ADD3: variants seen among roughly 807,000 people sequenced by gnomAD.
ADD3 encodes the protein gamma-adducin.
Under a neutral mutation model 80.2 loss-of-function variants are expected in ADD3, and 25 were observed. The observed-to-expected ratio is 0.31, with a 90% confidence interval of 0.23 to 0.44. The LOEUF is 0.44. Among genes scored for constraint, ADD3 ranks in the 20% least tolerant of loss-of-function variants. The pLI, the probability that ADD3 is intolerant of heterozygous loss-of-function variation, is 1.00. For missense variants in ADD3, 829 were observed against 847.5 expected (o/e 0.98, Z 0.27); for synonymous variants, 284 against 289.6 (o/e 0.98, Z 0.20).
rs558518976 is a variant in ADD3, at chr10:109,999,555, ATT to A, written n.79+3110_79+3111del. ...ACTTACAAAATATGTGCCTGGGCAA[ATT>A]ATTTAACCTTTCTGAGTCTCAGTTT... On this transcript the variant is annotated intron_variant and non_coding_transcript_variant, in intron 1 of 5. Coordinates refer to the ADD3 transcript ENST00000468251. Among the ~76,000 whole-genome samples, 191 of 152,316 alleles carry A rather than the reference ATT, an allele frequency of 1.3e-3. No individual in the cohort carries two copies. The Middle Eastern group carries it at 0.017, about 14-fold the overall frequency.
chr10:110,088,486 G>A (rs1847087951), intron 1 of ADD3, among the ~76,000 whole-genome samples: 1 of 152,110 alleles, frequency 6.6e-6, no homozygotes, highest in South Asian at 2.1e-4. Flanking sequence ...CATTTTCATG[G>A]CACAATATTA....
At chr10:110,018,611 A>G (rs1214772585) in intron 1 of ADD3, among the ~76,000 whole-genome samples, 3 of 149,894 alleles carry the variant, frequency 2.0e-5, no homozygotes, top group Non-Finnish European at 3.0e-5. Context: ...ACCTTGAAGG[A>G]GGAGTTAAGA....
At chr10:110,120,540 G>T (rs1851359771) in intron 8 of ADD3, among the ~76,000 whole-genome samples, 1 of 152,038 alleles carries the variant, frequency 6.6e-6, no homozygotes, top group African/African-American at 2.4e-5. Flanking sequence ...ACATACGTGT[G>T]CATGTGTCTT....
intron 9 of ADD3, among the ~76,000 whole-genome samples, chr10:110,123,371 C>T (rs1051004343): frequency 1.4e-4 from 21 of 152,054 alleles, no homozygotes; most frequent in African/African-American, 4.4e-4. Context: ...TACATTCTAA[C>T]ACTTGTTGTC....
At chr10:110,128,473 T>G (rs980193548) in intron 12 of ADD3, among the ~76,000 whole-genome samples, 2 of 152,158 alleles carry the variant, frequency 1.3e-5, no homozygotes, top group African/African-American at 4.8e-5. Context: ...TAGAGTGCAG[T>G]GGCGCGATCT....
chr10:110,100,253 G>A (rs1327409809), intron 1 of ADD3, among the ~76,000 whole-genome samples: 4 of 151,752 alleles, frequency 2.6e-5, no homozygotes, highest in Non-Finnish European at 4.4e-5. Flanking sequence ...GGGAGGCTGA[G>A]GCAGGAGAAT....
At chr10:110,050,709 C>T (rs1857425659) in intron 1 of ADD3, among the ~76,000 whole-genome samples, 2 of 151,984 alleles carry the variant, frequency 1.3e-5, no homozygotes, top group South Asian at 2.1e-4. Flanking sequence ...ACAGGTTTCA[C>T]CATGTTGGCC....
rs192767408 is a variant in ADD3 at position 109,998,052 on chromosome 10, A to G, written n.79+1606A>G. Among the ~76,000 whole-genome samples the G allele has an allele frequency of 1.3e-3, 191 of 152,368 alleles. 1 individual carries two copies. The highest frequency in any genetic ancestry group is 1.2e-3 in the Non-Finnish European group (85 of 68,046). The stretch of plus-strand genomic sequence containing the variant: ...TACTAGGGATACAACAATGAACACG[A>G]TAAAGTTCTTGCTCTTTTGAAGATT... On this transcript the variant is annotated intron_variant and non_coding_transcript_variant, in intron 1 of 5. Coordinates refer to the ADD3 transcript ENST00000468251.
chr10:110,026,582 T>C (rs971823131), intron 1 of ADD3, among the ~76,000 whole-genome samples: 3 of 152,098 alleles, frequency 2.0e-5, no homozygotes, highest in Admixed American at 6.5e-5. Flanking sequence ...ACCCGGCTGA[T>C]TGTACTTTTA....
At chr10:110,029,159 G>A (rs1332439781) in intron 1 of ADD3, among the ~76,000 whole-genome samples, 1 of 152,336 alleles carries the variant, frequency 6.6e-6, no homozygotes, top group South Asian at 2.1e-4. Context: ...GATTATCGGC[G>A]TGAGCCACCG....
intron 2 of ADD3, chr10:110,106,052 A>G (rs1849364110): frequency 6.6e-6 from 1 of 152,128 alleles, no homozygotes; most frequent in Non-Finnish European, 1.5e-5. Context: ...GAGAAATTCT[A>G]AGTAAGTTTG....
chr10:110,036,247 A>G (rs1191426839), intron 1 of ADD3, among the ~76,000 whole-genome samples: 1 of 152,136 alleles, frequency 6.6e-6, no homozygotes, highest in African/African-American at 2.4e-5. Context: ...ATAGTGAGGC[A>G]GCATTTTACC....
intron 1 of ADD3, among the ~76,000 whole-genome samples, chr10:110,072,171 C>T (rs1261805837): frequency 6.6e-6 from 1 of 152,234 alleles, no homozygotes; most frequent in Non-Finnish European, 1.5e-5. Flanking sequence ...ACGCAATTCT[C>T]CTGCCTCAGC....
intron 2 of ADD3, among the ~76,000 whole-genome samples, chr10:110,111,348 A>G (rs1038149958): frequency 2.6e-5 from 4 of 152,214 alleles, no homozygotes; most frequent in South Asian, 2.1e-4. Context: ...CGAAGGAGAC[A>G]TGAGCAAAAG....
At chr10:110,083,683 A>G (rs1447528889) in intron 1 of ADD3, among the ~76,000 whole-genome samples, 4 of 152,072 alleles carry the variant, frequency 2.6e-5, no homozygotes, top group Non-Finnish European at 4.4e-5. Flanking sequence ...CCAGGCTGAT[A>G]GCTAAGTATT....
At chr10:110,019,013 C>A (rs138056225) in intron 1 of ADD3, among the ~76,000 whole-genome samples, 1 of 152,250 alleles carries the variant, frequency 6.6e-6, no homozygotes, top group East Asian at 1.9e-4. Context: ...TCATTCCCAG[C>A]GCTGGACAAG....
Position 110,118,973 on chromosome 10 carries a change from G to C in ADD3, c.717+237G>C, listed in dbSNP as rs41291892. On this transcript the variant is annotated intron_variant, in intron 6 of 14. Coordinates refer to ENST00000356080, the MANE Select transcript of ADD3 (RefSeq NM_016824.5). ...GAAAATTGGGTCATTGAGTTTTTTGGAGCAAAGCTTCTTTCATAATATTTG... is the reference window on the plus strand; with the variant it reads ...GAAAATTGGGTCATTGAGTTTTTTGCAGCAAAGCTTCTTTCATAATATTTG... Among the ~76,000 whole-genome samples, 1,702 of 152,240 alleles carry C rather than the reference G, an allele frequency of 0.011. 24 individuals carry two copies. The highest frequency in any genetic ancestry group is 0.038 in the African/African-American group (1,595 of 41,514).
chr10:110,047,656 T>C (rs1195132197), intron 1 of ADD3, among the ~76,000 whole-genome samples: 2 of 152,212 alleles, frequency 1.3e-5, no homozygotes, highest in African/African-American at 2.4e-5. Context: ...ATGCTACTTA[T>C]CGTATGACTT....
intron 1 of ADD3, among the ~76,000 whole-genome samples, chr10:110,021,623 A>T (rs1028509792): frequency 6.6e-6 from 1 of 152,212 alleles, no homozygotes; most frequent in Admixed American, 6.5e-5. Flanking sequence ...GCCACATATT[A>T]TATGGTTCCA....
Sources: gnomAD v4.1 joint callset for allele counts (sites outside exome capture counted in the v4.1 genomes callset) on GRCh38, gnomAD v4.1.1 for gene constraint, MANE v1.5 for transcripts, NCBI Gene and HGNC (gene_info 2026-07-23, HGNC 2026-07-21) for gene names.